The following GALNT15 variants were observed in gnomAD, a reference collection of about 807,000 sequenced individuals.
GALNT15 encodes the protein UDP-GalNAc transferase T15.
Under a neutral mutation model 66.8 loss-of-function variants are expected in GALNT15, and 67 were observed. That is an observed-to-expected ratio of 1.00 (90% CI 0.82 to 1.23). GALNT15 has a LOEUF of 1.23. GALNT15 is among the 50% of genes most tolerant of loss of function. The pLI is 0.00. For synonymous variants in GALNT15, 313 were observed against 311.5 expected (o/e 1.00, Z -0.05); for missense variants, 827 against 804.3 (o/e 1.03, Z -0.34).
chr3:16,230,698 C>T (rs2064074019), downstream of GALNT15, among the ~76,000 whole-genome samples: 2 of 152,166 alleles, frequency 1.3e-5, no homozygotes, highest in South Asian at 4.1e-4. This position sits in a 1 kb window ranked among gnomAD's most constrained non-coding sequence, Gnocchi z 4.5. Context: ...ATTATGCACA[C>T]TATTTATGTT....
At chr3:16,221,811 G>T (rs1330419086) in intron 8 of GALNT15, among the ~76,000 whole-genome samples, 1 of 152,206 alleles carries the variant, frequency 6.6e-6, no homozygotes, top group African/African-American at 2.4e-5. Flanking sequence ...TGTACTAATT[G>T]TGTAGCTTGG....
In GALNT15 at chr3:16,228,018, A is replaced by C. The variant is rs888250636; in HGVS notation, c.*518A>C. ...GTGTTCATTTGTTGAGCCATATCTC[A>C]GAAGAAGGAAAGGGAGCTACAGAAA... On this transcript the variant is annotated 3_prime_UTR_variant, in exon 10 of 10. Transcript: ENST00000339732. 7.1e-6 allele frequency: 7 copies of C among 987,490 alleles called. No homozygotes were observed. The African/African-American group carries it at 8.7e-5, about 12-fold the overall frequency. 61.2% of individuals were successfully genotyped at this position (987,490 alleles called of 1,614,324 possible). A position where few individuals can be genotyped will look rare whatever the true frequency, so the allele number is the denominator to read the frequency against.
Position 16,228,885 on chromosome 3 carries a change from A to T in GALNT15, c.*1385A>T. On this transcript the variant is annotated 3_prime_UTR_variant, in exon 10 of 10. Transcript: ENST00000339732. ...AAATGTGTCCACAGGTTGAATGTCCATGAGTGTGGGAAGAACACGGCTCAT... is the reference window on the plus strand; with the variant it reads ...AAATGTGTCCACAGGTTGAATGTCCTTGAGTGTGGGAAGAACACGGCTCAT... The T allele has an allele frequency of 1.0e-6, 1 of 985,440 alleles. No homozygotes were observed. Among genetic ancestry groups the T allele is most frequent in the Non-Finnish European group, 1.2e-6 (1 of 829,932 alleles). The allele number at this position is 985,440 out of a possible 1,614,324, so 61.0% of individuals were successfully genotyped here. A position where few individuals can be genotyped will look rare whatever the true frequency, so the allele number is the denominator to read the frequency against.
rs201939308 is a variant in GALNT15 at position 16,211,111 on chromosome 3, C to G, written c.1080-13C>G. 6.3e-7 allele frequency: 1 copy of G among 1,596,338 alleles called. No homozygotes were observed. The highest frequency in any genetic ancestry group is 2.2e-5 in the East Asian group (1 of 44,800). On this transcript the variant is annotated splice_polypyrimidine_tract_variant and intron_variant, in intron 4 of 9. Transcript: ENST00000339732. The surrounding 1 kb of genome is among the most constrained non-coding windows in gnomAD (Gnocchi z 4.3). Reference sequence around the variant, plus strand: ...TTCTGAACTGCAGTGTCCTGCCTGTCTTCTGTGTCCAGGAGCCCTGTGGTG... The same window carrying G: ...TTCTGAACTGCAGTGTCCTGCCTGTGTTCTGTGTCCAGGAGCCCTGTGGTG...
chr3:16,207,569 C>CAG (rs2063771327), intron 3 of GALNT15, among the ~76,000 whole-genome samples: 1 of 114,078 alleles, frequency 8.8e-6, no homozygotes, highest in Admixed American at 9.0e-5. Flanking sequence ...CCCACCATTA[C>CAG]CGGGAAATGA....
At chr3:16,206,184 C>A (rs182640674) in intron 3 of GALNT15, among the ~76,000 whole-genome samples, 10 of 151,836 alleles carry the variant, frequency 6.6e-5, no homozygotes, top group Admixed American at 4.6e-4. Flanking sequence ...TCGAGACTAG[C>A]CTCAACAACA....
rs1004817854 is a variant in GALNT15, at chr3:16,204,953, G to A, written c.912-3550G>A. Among the ~76,000 whole-genome samples, 2 of 152,088 alleles carry A rather than the reference G, an allele frequency of 1.3e-5. No homozygotes were observed. Among genetic ancestry groups the A allele is most frequent in the African/African-American group, 2.4e-5 (1 of 41,376 alleles). The stretch of plus-strand genomic sequence containing the variant: ...TGGGGGGGAGCGAGCATGTGCGTGC[G>A]TGTGTGTGTGCGCGCGCATGTGCGC... On this transcript the variant is annotated intron_variant, in intron 3 of 9. Coordinates refer to ENST00000339732, the MANE Select transcript of GALNT15 (RefSeq NM_054110.5). The surrounding 1 kb of genome is among the most constrained non-coding windows in gnomAD (Gnocchi z 4.5).
intron 6 of GALNT15, among the ~76,000 whole-genome samples, chr3:16,216,488 G>T (rs1428878119): frequency 7.9e-6 from 1 of 126,750 alleles, no homozygotes; most frequent in African/African-American, 3.2e-5. Flanking sequence ...GCCAGAGCAA[G>T]ACTCTGTCTC....
At position 16,207,549 on chromosome 3, in the gene GALNT15, C is replaced by CGA. The variant is rs1559686203; in HGVS notation, c.912-954_912-953insGA. On this transcript the variant is annotated intron_variant, in intron 3 of 9. Transcript: ENST00000339732. ...AAAAAAAAAAAAAAAAAAAATTGGG[C>CGA]CTAAAATTCCCCACCATTACCGGGA... Among the ~76,000 whole-genome samples the CGA allele has an allele frequency of 1.9e-5, 2 of 103,992 alleles. 1 individual carries two copies. The highest frequency in any genetic ancestry group is 2.2e-4 in the Admixed American group (2 of 9,156). 68.2% of individuals were successfully genotyped at this position (103,992 alleles called of 152,430 possible). A position where few individuals can be genotyped will look rare whatever the true frequency, so the allele number is the denominator to read the frequency against.
Position 16,175,157 on chromosome 3 carries a change from C to A in GALNT15, c.6C>A (p.Leu2=). The A allele has an allele frequency of 6.2e-7, 1 of 1,610,266 alleles. No individual in the cohort carries two copies. The highest frequency in any genetic ancestry group is 8.5e-7 in the Non-Finnish European group (1 of 1,177,022). Residue 2 remains leucine (L), a synonymous_variant, in exon 1 of 10, where the codon CTC becomes CTA. Coordinates refer to ENST00000339732, the MANE Select transcript of GALNT15 (RefSeq NM_054110.5). This position sits in a 1 kb window ranked among gnomAD's most constrained non-coding sequence, Gnocchi z 5.6. M[L]LRKRYRHRPC... is the part of the protein sequence containing the mutation. ...ATTTGGCAAGTTCTAGCAACATGCT[C>A]CTAAGGAAGCGATACAGGCACAGAC...
chr3:16,198,744 T>C (rs1284555343), intron 2 of GALNT15, among the ~76,000 whole-genome samples: 1 of 142,222 alleles, frequency 7.0e-6, no homozygotes, highest in Non-Finnish European at 1.6e-5. Flanking sequence ...ACTCCTTTCC[T>C]CTACTGCTCA....
rs752153411 is a variant in GALNT15 at position 16,212,603 on chromosome 3, C to T, written c.1232C>T (p.Pro411Leu). Reference sequence around the variant, plus strand: ...TGTGGTGGCTCTGTTGAAATCCTTCCCTGCTCTCGGGTAGGACACATCTAC... The same window carrying T: ...TGTGGTGGCTCTGTTGAAATCCTTCTCTGCTCTCGGGTAGGACACATCTAC... ...WLCGGSVEILPCSRVGHIYQN... is the reference protein window; with the variant it reads ...WLCGGSVEILLCSRVGHIYQN... The change falls in exon 6 of 10, where the codon CCC (proline) becomes CTC (leucine). Residue 411 changes from proline (P) to leucine (L), a missense_variant. By Grantham distance (98) the Pro-to-Leu change is moderately conservative. Coordinates refer to ENST00000339732, the MANE Select transcript of GALNT15 (RefSeq NM_054110.5). 4.4e-5 allele frequency: 71 copies of T among 1,614,006 alleles called. No homozygotes were observed. The highest frequency in any genetic ancestry group is 6.7e-5 in the Admixed American group (4 of 60,012).
In GALNT15 at chr3:16,219,988, C is replaced by T; in HGVS notation, c.1603C>T (p.Pro535Ser). Residue 535 changes from proline (P) to serine (S), a missense_variant, in exon 8 of 10, where the codon CCT (proline) becomes TCT (serine). Pro to Ser is a moderately conservative substitution (Grantham distance 74). Transcript: ENST00000339732. This position sits in a 1 kb window ranked among gnomAD's most constrained non-coding sequence, Gnocchi z 4.3. Reference protein sequence around the residue: ...DILGCPMVLAPCSDSRQQQYL... With the variant: ...DILGCPMVLASCSDSRQQQYL... ...CCTGGGCTGTCCCATGGTGTTGGCT[C>T]CTTGCAGTGACAGCCGGCAGCAACA... 1 of 1,614,102 alleles carries T rather than the reference C, an allele frequency of 6.2e-7. No homozygotes were observed. Among genetic ancestry groups the T allele is most frequent in the Non-Finnish European group, 8.5e-7 (1 of 1,179,988 alleles).
intron 9 of GALNT15, among the ~76,000 whole-genome samples, chr3:16,226,314 G>A (rs886074863): frequency 6.6e-6 from 1 of 152,072 alleles, no homozygotes; most frequent in Admixed American, 6.5e-5. Flanking sequence ...ACCAACTTGT[G>A]TACTTTAAAG....
chr3:16,229,209 G>T lies in GALNT15; in HGVS notation c.*1709G>T. The T allele has an allele frequency of 1.0e-6, 1 of 985,372 alleles. No homozygotes were observed. The highest frequency in any genetic ancestry group is 1.7e-5 in the African/African-American group (1 of 57,338). 61.0% of individuals were successfully genotyped at this position (985,372 alleles called of 1,614,324 possible). Reference sequence around the variant, plus strand: ...TACCTATCATAACTACGTATTCATTGTCTACCTGCTAAGTCAAGGGTTCAC... The same window carrying T: ...TACCTATCATAACTACGTATTCATTTTCTACCTGCTAAGTCAAGGGTTCAC... On this transcript the variant is annotated 3_prime_UTR_variant, in exon 10 of 10. Transcript: ENST00000339732.
intron 1 of GALNT15, among the ~76,000 whole-genome samples, chr3:16,178,145 TGTGA>T (rs201245303): frequency 1.2e-4 from 19 of 152,232 alleles, no homozygotes; most frequent in East Asian, 7.7e-4. Flanking sequence ...ACATGTGAGG[TGTGA>T]GTGATACATG....
At position 16,228,105 on chromosome 3, in the gene GALNT15, A is replaced by G. The variant is rs568339083; in HGVS notation, c.*605A>G. 9 of 986,142 alleles carry G rather than the reference A, an allele frequency of 9.1e-6. No homozygotes were observed. In the South Asian group the frequency reaches 4.2e-4, roughly 46 times the overall value. The allele number at this position is 986,142 out of a possible 1,614,324, so 61.1% of individuals were successfully genotyped here. A position where few individuals can be genotyped will look rare whatever the true frequency, so the allele number is the denominator to read the frequency against. ...TTGGCCCAATTCTCCAGCTCAACCC[A>G]GCAGCTGAAAAGCTTCAAGAGATCT... On this transcript the variant is annotated 3_prime_UTR_variant, in exon 10 of 10. Coordinates refer to ENST00000339732, the MANE Select transcript of GALNT15 (RefSeq NM_054110.5).
the GALNT15 span, among the ~76,000 whole-genome samples, chr3:16,237,856 C>T: frequency 6.6e-6 from 1 of 152,274 alleles, no homozygotes; most frequent in African/African-American, 2.4e-5. This position sits in a 1 kb window ranked among gnomAD's most constrained non-coding sequence, Gnocchi z 4.2. Flanking sequence ...GCTATAATAT[C>T]CCCTCACAGA....
chr3:16,238,144 A>G, the GALNT15 span, among the ~76,000 whole-genome samples: 2 of 152,194 alleles, frequency 1.3e-5, no homozygotes. The surrounding 1 kb of genome is among the most constrained non-coding windows in gnomAD (Gnocchi z 4.8). Context: ...AGCAGTTACC[A>G]TGGAGTTGGT....
Sources: allele counts gnomAD v4.1 joint callset (sites outside exome capture counted in the v4.1 genomes callset), GRCh38; gene constraint gnomAD v4.1.1; non-coding constraint Gnocchi (gnomAD v3.1); transcripts MANE v1.5; gene names NCBI Gene and HGNC (gene_info 2026-07-23, HGNC 2026-07-21).